The following ANKS1B variants were observed in gnomAD, a reference collection of about 807,000 sequenced individuals.
The protein encoded by ANKS1B is ankyrin repeat and sterile alpha motif domain-containing protein 1B.
In ANKS1B, 36 loss-of-function variants were observed where a neutral mutation model predicts 148.3. The ratio of observed to expected loss-of-function variants is 0.24; its 90% confidence interval spans 0.19 to 0.32. The LOEUF (loss-of-function observed/expected upper bound fraction) is 0.32. Among genes scored for constraint, ANKS1B ranks in the 10% least tolerant of loss-of-function variants. ANKS1B has a pLI of 1.00. For missense variants in ANKS1B, 1,157 were observed against 1,542.6 expected (o/e 0.75, Z 4.19); for synonymous variants, 542 against 560.8 (o/e 0.97, Z 0.47).
intron 12 of ANKS1B, among the ~76,000 whole-genome samples, chr12:99,364,253 T>C (rs2092645924): frequency 6.8e-6 from 1 of 147,406 alleles, no homozygotes; most frequent in South Asian, 2.1e-4. Context: ...GTTAGAATAA[T>C]GAGTAGACAA....
chr12:99,863,935 G>A (rs950514968), intron 1 of ANKS1B, among the ~76,000 whole-genome samples: 3 of 151,892 alleles, frequency 2.0e-5, no homozygotes, highest in Non-Finnish European at 4.4e-5. Flanking sequence ...TGGGCGTGGT[G>A]GCACATGCCT....
intron 10 of ANKS1B, among the ~76,000 whole-genome samples, chr12:99,488,803 A>G (rs1388944393): frequency 1.3e-5 from 2 of 152,198 alleles, no homozygotes; most frequent in Non-Finnish European, 2.9e-5. Context: ...CAGCACAAGT[A>G]ACGTTTATAA....
intron 12 of ANKS1B, among the ~76,000 whole-genome samples, chr12:99,276,918 C>G (rs1255677324): frequency 6.6e-6 from 1 of 152,148 alleles, no homozygotes; most frequent in Non-Finnish European, 1.5e-5. Flanking sequence ...GTTACATGAT[C>G]TCTGTATAGT....
chr12:99,742,837 CAA>C (rs57232737), intron 8 of ANKS1B, among the ~76,000 whole-genome samples: 31,275 of 119,054 alleles, frequency 0.26, 3,247 homozygotes, highest in Middle Eastern at 0.31. Flanking sequence ...GACTCTGTCT[CAA>C]AAAAAAAAAA....
At chr12:99,303,944 G>A (rs1473198631) in intron 12 of ANKS1B, among the ~76,000 whole-genome samples, 2 of 152,120 alleles carry the variant, frequency 1.3e-5, no homozygotes, top group African/African-American at 4.8e-5. Flanking sequence ...CTAGGTTGCT[G>A]AGAATGCCAT....
chr12:99,824,494 TG>T (rs2082916170), intron 2 of ANKS1B, among the ~76,000 whole-genome samples: 1 of 149,680 alleles, frequency 6.7e-6, no homozygotes, highest in South Asian at 2.1e-4. Context: ...AGTGAGACTC[TG>T]TCTCAAAAAA....
intron 8 of ANKS1B, among the ~76,000 whole-genome samples, chr12:99,701,094 T>C (rs1440741865): frequency 3.9e-5 from 6 of 152,182 alleles, no homozygotes; most frequent in Non-Finnish European, 1.5e-5. Flanking sequence ...CTTCAATAAT[T>C]GTTTCTCAAC....
chr12:98,888,576 C>T (rs1050010620), intron 17 of ANKS1B, among the ~76,000 whole-genome samples: 12 of 152,322 alleles, frequency 7.9e-5, no homozygotes, highest in African/African-American at 1.9e-4. Flanking sequence ...CTGAGCTGAC[C>T]GGGATTCAGT....
chr12:99,457,182 T>C (rs2095860668), intron 10 of ANKS1B, among the ~76,000 whole-genome samples: 1 of 152,094 alleles, frequency 6.6e-6, no homozygotes, highest in Admixed American at 6.6e-5. Context: ...GAAAAAAAGA[T>C]GGTGTTTTTC....
At chr12:99,661,591 C>G (rs1221984921) in intron 8 of ANKS1B, among the ~76,000 whole-genome samples, 2 of 152,134 alleles carry the variant, frequency 1.3e-5, no homozygotes, top group East Asian at 3.9e-4. Context: ...CTGAGCTTCC[C>G]TCTTTCCCTC....
At chr12:99,320,094 A>T (rs1050410293) in intron 12 of ANKS1B, among the ~76,000 whole-genome samples, 1 of 152,154 alleles carries the variant, frequency 6.6e-6, no homozygotes, top group African/African-American at 2.4e-5. Context: ...TTTGTGGGTA[A>T]CCTGCCCTTT....
chr12:99,667,332 G>A (rs559518837), intron 8 of ANKS1B, among the ~76,000 whole-genome samples: 1 of 133,498 alleles, frequency 7.5e-6, no homozygotes, highest in South Asian at 2.5e-4. Context: ...CTGGGTGACA[G>A]AGCGAGACTC....
At chr12:99,015,663 T>G (rs2099942046) in intron 17 of ANKS1B, among the ~76,000 whole-genome samples, 1 of 152,104 alleles carries the variant, frequency 6.6e-6, no homozygotes, top group South Asian at 2.1e-4. Flanking sequence ...TCAGGCGATC[T>G]AGACCATCCT....
At chr12:99,778,294 G>A (rs372541552) in intron 6 of ANKS1B, among the ~76,000 whole-genome samples, 6 of 152,090 alleles carry the variant, frequency 3.9e-5, no homozygotes, top group South Asian at 4.1e-4. Context: ...GATCACCTGC[G>A]TTCAGGAGTT....
chr12:99,540,396 T>C (rs2097113525), intron 9 of ANKS1B, among the ~76,000 whole-genome samples: 1 of 152,114 alleles, frequency 6.6e-6, no homozygotes, highest in Admixed American at 6.6e-5. Flanking sequence ...TCCTGCAGAA[T>C]AGACCATGCA....
At chr12:99,345,315 G>A (rs1330360140) in intron 12 of ANKS1B, among the ~76,000 whole-genome samples, 1 of 151,966 alleles carries the variant, frequency 6.6e-6, no homozygotes, top group African/African-American at 2.4e-5. Flanking sequence ...ACTCAAGAAT[G>A]AGAGAAAATG....
intron 9 of ANKS1B, chr12:99,649,275 G>A (rs1252567947): frequency 1.2e-6 from 2 of 1,604,036 alleles, no homozygotes; most frequent in African/African-American, 1.3e-5. Flanking sequence ...TTGCTTATTT[G>A]TTCTCTCCCT....
chr12:98,936,838 A>T (rs2099819213), intron 17 of ANKS1B, among the ~76,000 whole-genome samples: 1 of 152,202 alleles, frequency 6.6e-6, no homozygotes. Flanking sequence ...ACAAAATTTT[A>T]TCTTGTCTAA....
chr12:99,146,560 G>A (rs1164802122), intron 15 of ANKS1B, among the ~76,000 whole-genome samples: 1 of 152,034 alleles, frequency 6.6e-6, no homozygotes, highest in African/African-American at 2.4e-5. Flanking sequence ...TACTCTAGTC[G>A]GCTTGGTTAA....
Sources: gnomAD v4.1 joint callset for allele counts (sites outside exome capture counted in the v4.1 genomes callset) on GRCh38, gnomAD v4.1.1 for gene constraint, MANE v1.5 for transcripts, NCBI Gene and HGNC (gene_info 2026-07-23, HGNC 2026-07-21) for gene names.